Variants in NLGN1 observed in about 807,000 individuals in gnomAD.
NLGN1 encodes neuroligin 1.
A neutral mutation model predicts 65.5 loss-of-function variants in NLGN1; 12 were observed. That is an observed-to-expected ratio of 0.18 (90% CI 0.12 to 0.30). The LOEUF is 0.30. NLGN1 is among the 10% of genes least tolerant of loss of function. NLGN1 has a pLI of 1.00. For synonymous variants in NLGN1, 350 were observed against 359.5 expected (o/e 0.97, Z 0.30); for missense variants, 750 against 1,007.1 (o/e 0.74, Z 3.46).
At chr3:174,164,230 A>G (rs971685338) in intron 4 of NLGN1, among the ~76,000 whole-genome samples, 1 of 151,878 alleles carries the variant, frequency 6.6e-6, no homozygotes, top group Non-Finnish European at 1.5e-5. Context: ...GGCTACTTGT[A>G]TGTCTTCTTT....
At chr3:173,672,139 A>G (rs777085866) in intron 3 of NLGN1, among the ~76,000 whole-genome samples, 2 of 152,188 alleles carry the variant, frequency 1.3e-5, no homozygotes, top group African/African-American at 2.4e-5. Context: ...GCGCCACTGC[A>G]CTCCAGCCTG....
chr3:173,938,639 A>G (rs989163014), intron 4 of NLGN1, among the ~76,000 whole-genome samples: 2 of 152,230 alleles, frequency 1.3e-5, no homozygotes, highest in Non-Finnish European at 2.9e-5. Flanking sequence ...TGTAATAGAT[A>G]GGATCAAATG....
chr3:173,682,640 C>T (rs1376859704), intron 3 of NLGN1, among the ~76,000 whole-genome samples: 1 of 147,926 alleles, frequency 6.8e-6, no homozygotes, highest in Non-Finnish European at 1.5e-5. Flanking sequence ...CCATGATTTT[C>T]CATACCTAAG....
At chr3:173,533,649 CT>C in intron 2 of NLGN1, among the ~76,000 whole-genome samples, 1 of 152,144 alleles carries the variant, frequency 6.6e-6, no homozygotes, top group Middle Eastern at 3.4e-3. Flanking sequence ...AAAAAATATC[CT>C]TAAGATACAA....
chr3:173,857,010 A>G (rs975654118), intron 4 of NLGN1, among the ~76,000 whole-genome samples: 3 of 116,200 alleles, frequency 2.6e-5, no homozygotes, highest in African/African-American at 8.8e-5. Flanking sequence ...TATTTGCAAA[A>G]GGCGTTAGAT....
At chr3:173,711,726 T>G (rs1769023681) in intron 3 of NLGN1, among the ~76,000 whole-genome samples, 4 of 152,156 alleles carry the variant, frequency 2.6e-5, no homozygotes, top group Admixed American at 2.6e-4. Flanking sequence ...TGGCTGCTTA[T>G]GCTTGTTACT....
At chr3:174,082,692 T>C (rs2152552401) in intron 4 of NLGN1, among the ~76,000 whole-genome samples, 1 of 152,096 alleles carries the variant, frequency 6.6e-6, no homozygotes, top group Non-Finnish European at 1.5e-5. Context: ...TAGTATTTAT[T>C]TTTACGTGTG....
rs538481541 is a variant in NLGN1 at position 173,689,096 on chromosome 3, G to C, written c.493+84005G>C. Reference sequence around the variant, plus strand: ...CTTGGTCCCATTTGGCTCCATAAAAGTCAGACCTTCCTTTATGTCCTGAGT... The same window carrying C: ...CTTGGTCCCATTTGGCTCCATAAAACTCAGACCTTCCTTTATGTCCTGAGT... On this transcript the variant is annotated intron_variant, in intron 3 of 6. Coordinates refer to ENST00000457714, the Ensembl canonical transcript of NLGN1. Among the ~76,000 whole-genome samples, 3 of 152,300 alleles carry C rather than the reference G, an allele frequency of 2.0e-5. No individual in the cohort carries two copies. The East Asian group carries it at 5.8e-4, about 29-fold the overall frequency.
chr3:174,187,121 T>C lies in NLGN1; in HGVS notation c.647-88194T>C, dbSNP rs569537101. On this transcript the variant is annotated intron_variant, in intron 4 of 6. Coordinates refer to ENST00000457714, the Ensembl canonical transcript of NLGN1. ...TTTCTATTTGTATTATTTTTATTGT[T>C]GTATTATTATTTTTTATTTATTCAT... is the stretch of plus-strand genomic sequence containing the variant. Among the ~76,000 whole-genome samples the C allele has an allele frequency of 2.0e-5, 3 of 152,172 alleles. No homozygotes were observed. In the East Asian group the frequency reaches 5.8e-4, roughly 29 times the overall value.
intron 4 of NLGN1, among the ~76,000 whole-genome samples, chr3:173,811,025 G>A (rs1471402250): frequency 6.6e-6 from 1 of 152,164 alleles, no homozygotes; most frequent in Non-Finnish European, 1.5e-5. Flanking sequence ...TCATGTTAGA[G>A]CTCCTGGCGA....
At chr3:174,177,470 T>C (rs17327783) in intron 4 of NLGN1, among the ~76,000 whole-genome samples, 18,007 of 152,044 alleles carry the variant, frequency 0.12, 1,165 homozygotes, top group Middle Eastern at 0.16. Context: ...TTCCTCTGTT[T>C]GGAAGCTCCA....
intron 4 of NLGN1, among the ~76,000 whole-genome samples, chr3:173,975,200 A>C (rs1313330801): frequency 6.6e-6 from 1 of 152,016 alleles, no homozygotes; most frequent in Non-Finnish European, 1.5e-5. Flanking sequence ...GGCTAAGTAC[A>C]ATCTAGTTTA....
At chr3:173,832,023 T>C (rs1722684293) in intron 4 of NLGN1, among the ~76,000 whole-genome samples, 1 of 151,972 alleles carries the variant, frequency 6.6e-6, no homozygotes, top group African/African-American at 2.4e-5. Flanking sequence ...GATGGTGCAA[T>C]TATGGCTTAC....
intron 3 of NLGN1, among the ~76,000 whole-genome samples, chr3:173,655,238 T>C (rs969375367): frequency 2.6e-5 from 4 of 152,178 alleles, no homozygotes; most frequent in Non-Finnish European, 4.4e-5. Flanking sequence ...TTTAAGCAGC[T>C]GCTGTTTCTT....
chr3:173,881,726 T>C (rs949467154), intron 4 of NLGN1, among the ~76,000 whole-genome samples: 2 of 152,154 alleles, frequency 1.3e-5, no homozygotes, highest in African/African-American at 4.8e-5. Flanking sequence ...TCTTGTTCTA[T>C]TTCCATCACA....
chr3:174,226,990 G>A (rs2061143201), intron 4 of NLGN1, among the ~76,000 whole-genome samples: 2 of 152,154 alleles, frequency 1.3e-5, no homozygotes, highest in African/African-American at 2.4e-5. Flanking sequence ...GTAGGCATAC[G>A]ATTGTTGACT....
At chr3:174,013,664 G>A (rs937507247) in intron 4 of NLGN1, among the ~76,000 whole-genome samples, 3 of 152,052 alleles carry the variant, frequency 2.0e-5, no homozygotes, top group African/African-American at 2.4e-5. Context: ...GATAAATATC[G>A]ACTTTTCTCT....
At chr3:174,180,225 A>G (rs1383510991) in intron 4 of NLGN1, among the ~76,000 whole-genome samples, 1 of 152,164 alleles carries the variant, frequency 6.6e-6, no homozygotes, top group African/African-American at 2.4e-5. Context: ...GTAAAGTATC[A>G]AGGACACAGA....
rs113022779 is a variant in NLGN1 at position 173,702,196 on chromosome 3, G to T, written c.493+97105G>T. ...GGAGCTTGCAGTGAGCCGAGATCCC[G>T]CCACTGCACTCCAGCCTGGGCGACA... is the stretch of plus-strand genomic sequence containing the variant. On this transcript the variant is annotated intron_variant, in intron 3 of 6. Transcript: ENST00000457714. Among the ~76,000 whole-genome samples, 6 of 145,498 alleles carry T rather than the reference G, an allele frequency of 4.1e-5. No individual in the cohort carries two copies. The East Asian group carries it at 1.0e-3, about 24-fold the overall frequency.
Sources: allele counts gnomAD v4.1 joint callset (sites outside exome capture counted in the v4.1 genomes callset), GRCh38; gene constraint gnomAD v4.1.1; transcripts MANE v1.5; gene names NCBI Gene and HGNC (gene_info 2026-07-23, HGNC 2026-07-21).